The following ADRA1D variants were observed in gnomAD, a reference collection of about 807,000 sequenced individuals.
ADRA1D encodes the protein alpha-1D adrenergic receptor.
ADRA1D carries 22 observed loss-of-function variants against 18.6 expected under a neutral mutation model. That is an observed-to-expected ratio of 1.19 (90% CI 0.85 to 1.69). The LOEUF is 1.69. ADRA1D is among the 40% of genes most tolerant of loss of function. ADRA1D has a pLI of 0.00. For missense variants in ADRA1D, 840 were observed against 840.7 expected, an observed-to-expected ratio of 1.00 and a Z score of 0.01; for synonymous variants, 376 against 388.2, an observed-to-expected ratio of 0.97 and a Z score of 0.37.
At position 4,222,773 on chromosome 20, in the gene ADRA1D, A is replaced by G. The variant is rs1980703748; in HGVS notation, c.1112-643T>C. ...TTAATAGAATTGCTGAGCAAGTTCA[A>G]TAAAATTTTGTACATATGGAACCCG... On this transcript the variant is annotated intron_variant, in intron 1 of 1. Coordinates refer to ENST00000379453, the MANE Select transcript of ADRA1D (RefSeq NM_000678.4). The surrounding 1 kb of genome is among the most constrained non-coding windows in gnomAD (Gnocchi z 4.3). 6.6e-6 allele frequency among the ~76,000 whole-genome samples: 1 copy of G among 152,230 alleles called. No homozygotes were observed. The highest frequency in any genetic ancestry group is 1.9e-4 in the East Asian group (1 of 5,200).
chr20:4,220,774 A>G lies in ADRA1D; in HGVS notation c.*749T>C, dbSNP rs936101244. ...ACAAAATAGAAGTACTCTTACCAAT[A>G]AATATGTCTCAAAATGACAAATAAA... On this transcript the variant is annotated 3_prime_UTR_variant, in exon 2 of 2. Coordinates refer to ENST00000379453, the MANE Select transcript of ADRA1D (RefSeq NM_000678.4). 3 of 152,654 alleles carry G rather than the reference A, an allele frequency of 2.0e-5. No individual in the cohort carries two copies. The highest frequency in any genetic ancestry group is 7.2e-5 in the African/African-American group (3 of 41,438). The allele number at this position is 152,654 out of a possible 1,614,324, so 9.5% of individuals were successfully genotyped here.
chr20:4,248,000 C>A lies in ADRA1D; in HGVS notation c.958G>T (p.Gly320Cys), dbSNP rs1473766786. Reference sequence around the variant, plus strand: ...GTGTGGCCCTTGGCGCTGCGCATGCCGTGCGCCCCGTCGGCGCCCGTGGCC... The same window carrying A: ...GTGTGGCCCTTGGCGCTGCGCATGCAGTGCGCCCCGTCGGCGCCCGTGGCC... ...GAATGADGAH[G>C]MRSAKGHTFR... The change falls in exon 1 of 2, where the codon GGC becomes TGC. Residue 320 changes from glycine (G) to cysteine (C), a missense_variant. By Grantham distance (159) the Gly-to-Cys change is radical. Transcript: ENST00000379453. 3 of 1,561,872 alleles carry A rather than the reference C, an allele frequency of 1.9e-6. No homozygotes were observed. Among genetic ancestry groups the A allele is most frequent in the Non-Finnish European group, 1.7e-6 (2 of 1,154,472 alleles).
In ADRA1D at chr20:4,248,647, G is replaced by A; in HGVS notation, c.311C>T (p.Ala104Val). 6.2e-7 allele frequency: 1 copy of A among 1,611,630 alleles called. No homozygotes were observed. Among genetic ancestry groups the A allele is most frequent in the Non-Finnish European group, 8.5e-7 (1 of 1,179,280 alleles). Residue 104 changes from alanine (A) to valine (V), a missense_variant, in exon 1 of 2, where the codon GCA (alanine) becomes GTA (valine). Coordinates refer to ENST00000379453, the MANE Select transcript of ADRA1D (RefSeq NM_000678.4). ...AQGVGVGVFLAAFILMAVAGN... is the reference protein window; with the variant it reads ...AQGVGVGVFLVAFILMAVAGN... ...TGCCACGGCCATAAGGATGAAGGCT[G>A]CCAGGAAGACGCCCACGCCCACGCC...
chr20:4,231,082 CTTT>C (rs368633189), intron 1 of ADRA1D, among the ~76,000 whole-genome samples: 11,633 of 94,768 alleles, frequency 0.12, 638 homozygotes, highest in East Asian at 0.25. Context: ...CTCTCTCTCT[CTTT>C]TCTTTTCTTT....
At chr20:4,245,304 G>T (rs770202840) in intron 1 of ADRA1D, among the ~76,000 whole-genome samples, 1 of 152,180 alleles carries the variant, frequency 6.6e-6, no homozygotes, top group Non-Finnish European at 1.5e-5. Flanking sequence ...ACGGTGATAC[G>T]CATGGCAAGG....
rs186246801 is a variant in ADRA1D, at chr20:4,245,819, G to A, written c.1111+2028C>T. The stretch of plus-strand genomic sequence containing the variant: ...GATGGGCTTGGATGTCTAAAGGGGC[G>A]GGCACCAACTTTCTCTTCCCTGCTT... On this transcript the variant is annotated intron_variant, in intron 1 of 1. Coordinates refer to ENST00000379453, the MANE Select transcript of ADRA1D (RefSeq NM_000678.4). Among the ~76,000 whole-genome samples the A allele has an allele frequency of 7.2e-5, 11 of 152,200 alleles. No homozygotes were observed. The East Asian group carries it at 7.8e-4, about 11-fold the overall frequency.
In ADRA1D at chr20:4,249,083, C is replaced by A; in HGVS notation, c.-126G>T. 1.3e-6 allele frequency: 1 copy of A among 782,152 alleles called. No homozygotes were observed. Among genetic ancestry groups the A allele is most frequent in the Non-Finnish European group, 1.6e-6 (1 of 625,820 alleles). The allele number at this position is 782,152 out of a possible 1,614,324, so 48.5% of individuals were successfully genotyped here. On this transcript the variant is annotated 5_prime_UTR_variant, in exon 1 of 2. Coordinates refer to ENST00000379453, the MANE Select transcript of ADRA1D (RefSeq NM_000678.4). ...CGCACGGGTCCCGTCGGGGTCCTGC[C>A]CAAGTTCCTGTGACGCGGAGCGCGG...
Position 4,222,237 on chromosome 20 carries a change from C to G in ADRA1D, c.1112-107G>C, listed in dbSNP as rs989750624. 1.1e-5 allele frequency: 16 copies of G among 1,455,346 alleles called. No individual in the cohort carries two copies. Among genetic ancestry groups the G allele is most frequent in the South Asian group, 1.4e-5 (1 of 72,762 alleles). The allele number at this position is 1,455,346 out of a possible 1,614,324, so 90.2% of individuals were successfully genotyped here. ...TCAGTAGCCTTGGCTGAGTCATTGA[C>G]TAGGAGTTCTCAAGGGATCCGTGCT... On this transcript the variant is annotated intron_variant, in intron 1 of 1. Coordinates refer to ENST00000379453, the MANE Select transcript of ADRA1D (RefSeq NM_000678.4). The surrounding 1 kb of genome is among the most constrained non-coding windows in gnomAD (Gnocchi z 4.3).
At chr20:4,242,002 G>A (rs1381332632) in intron 1 of ADRA1D, among the ~76,000 whole-genome samples, 3 of 152,188 alleles carry the variant, frequency 2.0e-5, no homozygotes, top group Non-Finnish European at 2.9e-5. Flanking sequence ...CACTACCCAG[G>A]TCAAGGTATG....
At chr20:4,230,941 T>C (rs577650618) in intron 1 of ADRA1D, among the ~76,000 whole-genome samples, 3 of 152,354 alleles carry the variant, frequency 2.0e-5, no homozygotes, top group African/African-American at 7.2e-5. Context: ...CAATTTGCTA[T>C]TGCTCCATCT....
At chr20:4,243,319 A>C (rs1981260395) in intron 1 of ADRA1D, among the ~76,000 whole-genome samples, 1 of 148,722 alleles carries the variant, frequency 6.7e-6, no homozygotes, top group Non-Finnish European at 1.5e-5. Flanking sequence ...GGCCCCTCCC[A>C]CACTCACTCT....
chr20:4,236,217 A>G (rs4815670), intron 1 of ADRA1D, among the ~76,000 whole-genome samples: 80,910 of 152,098 alleles, frequency 0.53, 21,848 homozygotes, highest in Non-Finnish European at 0.56. Context: ...CTTTGGTCAT[A>G]TTACTCAACC....
intron 1 of ADRA1D, among the ~76,000 whole-genome samples, chr20:4,238,508 T>G (rs921527275): frequency 1.3e-5 from 2 of 151,996 alleles, no homozygotes; most frequent in African/African-American, 4.8e-5. Context: ...GAGGAGTAAC[T>G]GAAAGAGTAA....
chr20:4,234,733 G>C (rs543084255), intron 1 of ADRA1D, among the ~76,000 whole-genome samples: 1 of 152,316 alleles, frequency 6.6e-6, no homozygotes, highest in Admixed American at 6.5e-5. Context: ...ACATTATAAA[G>C]GGTCAGCGAG....
At chr20:4,229,427 G>GAAA (rs11458892) in intron 1 of ADRA1D, among the ~76,000 whole-genome samples, 3 of 149,474 alleles carry the variant, frequency 2.0e-5, no homozygotes, top group Non-Finnish European at 4.4e-5. Context: ...AAGGAAGATG[G>GAAA]GGGCGAGTGT....
chr20:4,237,636 C>T (rs1981123948), intron 1 of ADRA1D, among the ~76,000 whole-genome samples: 1 of 148,956 alleles, frequency 6.7e-6, no homozygotes, highest in South Asian at 2.1e-4. Flanking sequence ...AAAAGGTGTC[C>T]TAATCAAGAC....
Position 4,221,756 on chromosome 20 carries a change from C to A in ADRA1D, c.1486G>T (p.Glu496Ter). The change falls in exon 2 of 2, where the codon GAG becomes TAG. Residue 496 changes from glutamate (E) to a stop codon, truncating the protein, a stop_gained. Transcript: ENST00000379453. LOFTEE classifies it low-confidence loss of function (END_TRUNC). ...CGGAACGGCCCCAGCAGCCTCCACT[C>A]GCGGAAGGCGCTGGGTGGCTTTCGA... ...SRRKPPSAFR[E>*]WRLLGPFRRP... 6.3e-7 allele frequency: 1 copy of A among 1,599,264 alleles called. No homozygotes were observed. Among genetic ancestry groups the A allele is most frequent in the Non-Finnish European group, 8.5e-7 (1 of 1,175,944 alleles).
At position 4,248,972 on chromosome 20, in the gene ADRA1D, G is replaced by A. The variant is rs1465472012; in HGVS notation, c.-15C>T. ...CGGAAAGTCATCTCAACGCGCGGCC[G>A]TCGGTGGCCGGGCCGGGGCACAGAA... is the stretch of plus-strand genomic sequence containing the variant. On this transcript the variant is annotated 5_prime_UTR_variant, in exon 1 of 2. The change creates a new upstream start codon in the 5' untranslated region. Transcript: ENST00000379453. 1 of 1,338,266 alleles carries A rather than the reference G, an allele frequency of 7.5e-7. No homozygotes were observed. Among genetic ancestry groups the A allele is most frequent in the Non-Finnish European group, 9.7e-7 (1 of 1,034,110 alleles). 82.9% of individuals were successfully genotyped at this position (1,338,266 alleles called of 1,614,324 possible).
intron 1 of ADRA1D, among the ~76,000 whole-genome samples, chr20:4,242,707 G>A (rs915637181): frequency 1.3e-5 from 2 of 152,160 alleles, no homozygotes; most frequent in East Asian, 1.9e-4. Context: ...TTTGAGGGGG[G>A]CCCTGGGCTC....
Sources: gnomAD v4.1 joint callset for allele counts (sites outside exome capture counted in the v4.1 genomes callset) on GRCh38, gnomAD v4.1.1 for gene constraint, Gnocchi (gnomAD v3.1) non-coding constraint, MANE v1.5 for transcripts, NCBI Gene and HGNC (gene_info 2026-07-23, HGNC 2026-07-21) for gene names.